The following STX4 variants were observed in gnomAD, a reference collection of about 807,000 sequenced individuals.
STX4 encodes the protein syntaxin 4.
STX4 carries 24 observed loss-of-function variants against 41.8 expected under a neutral mutation model. That is an observed-to-expected ratio of 0.57 (90% CI 0.42 to 0.81). The LOEUF is 0.81. STX4 is among the 30% of genes least tolerant of loss of function. The pLI, the probability that STX4 is intolerant of heterozygous loss-of-function variation, is 0.00. For synonymous variants in STX4, 158 were observed against 156.4 expected, an observed-to-expected ratio of 1.01 and a Z score of -0.08; for missense variants, 316 against 389.9, an observed-to-expected ratio of 0.81 and a Z score of 1.60.
Position 31,033,696 on chromosome 16 carries a change from T to C in STX4, c.-110T>C. The stretch of plus-strand genomic sequence containing the variant: ...AGCCTCTGGCGGCTCGTGGGGGTGT[T>C]GGGGTCCGCAGGGGGAGGGAGGGGA... On this transcript the variant is annotated 5_prime_UTR_variant, in exon 1 of 11. Transcript: ENST00000313843. The surrounding 1 kb of genome is among the most constrained non-coding windows in gnomAD (Gnocchi z 5.5). 1 of 1,396,914 alleles carries C rather than the reference T, an allele frequency of 7.2e-7. No individual in the cohort carries two copies. Among genetic ancestry groups the C allele is most frequent in the Middle Eastern group, 2.2e-4 (1 of 4,466 alleles). The allele number at this position is 1,396,914 out of a possible 1,614,324, so 86.5% of individuals were successfully genotyped here.
intron 5 of STX4, chr16:31,035,848 C>T (rs1342225516): frequency 6.6e-6 from 1 of 151,966 alleles, no homozygotes. Context: ...GTGGCACAAT[C>T]TTGGCTCACT....
At chr16:31,035,158 C>A in intron 5 of STX4, 118 bp downstream of exon 5, 2 of 749,034 alleles carry the variant, frequency 2.7e-6, no homozygotes, top group Non-Finnish European at 4.1e-6. Context: ...ATGACTTTTC[C>A]AAATGGGGAA....
chr16:31,034,930 T>G (rs1175661282), intron 4 of STX4, 40 bp from the exon 5 acceptor site: 1 of 1,490,340 alleles, frequency 6.7e-7, no homozygotes, highest in Non-Finnish European at 9.0e-7. Flanking sequence ...AAAAATCCTA[T>G]GGAGACAAGT....
chr16:31,036,484 A>G (rs2056800341), intron 5 of STX4, among the ~76,000 whole-genome samples: 1 of 152,118 alleles, frequency 6.6e-6, no homozygotes, highest in South Asian at 2.1e-4. Context: ...CGAGGTTGGC[A>G]TTCAGCAAGC....
intron 5 of STX4, among the ~76,000 whole-genome samples, chr16:31,037,667 C>CAAT (rs1217091532): frequency 7.6e-6 from 1 of 131,096 alleles, no homozygotes; most frequent in African/African-American, 2.9e-5. Context: ...TCTCAAAAAA[C>CAAT]AAATAATAAA....
In STX4 at chr16:31,033,689, G is replaced by A; in HGVS notation, c.-117G>A. Reference sequence around the variant, plus strand: ...GGGACGGAGCCTCTGGCGGCTCGTGGGGGTGTTGGGGTCCGCAGGGGGAGG... The same window carrying A: ...GGGACGGAGCCTCTGGCGGCTCGTGAGGGTGTTGGGGTCCGCAGGGGGAGG... On this transcript the variant is annotated 5_prime_UTR_variant, in exon 1 of 11. Coordinates refer to ENST00000313843, the MANE Select transcript of STX4 (RefSeq NM_004604.5). This position sits in a 1 kb window ranked among gnomAD's most constrained non-coding sequence, Gnocchi z 5.5. 1 of 1,447,072 alleles carries A rather than the reference G, an allele frequency of 6.9e-7. No individual in the cohort carries two copies. Among genetic ancestry groups the A allele is most frequent in the Non-Finnish European group, 9.1e-7 (1 of 1,102,596 alleles). 89.6% of individuals were successfully genotyped at this position (1,447,072 alleles called of 1,614,324 possible). A position where few individuals can be genotyped will look rare whatever the true frequency, so the allele number is the denominator to read the frequency against.
chr16:31,034,881 G>A, intron 4 of STX4, 89 bp from the exon 5 acceptor site: 1 of 1,203,722 alleles, frequency 8.3e-7, no homozygotes, highest in Non-Finnish European at 1.2e-6. Context: ...CCTCTTAGAG[G>A]CTCAGCCTTA....
At chr16:31,036,048 T>G (rs914552538) in intron 5 of STX4, among the ~76,000 whole-genome samples, 16 of 152,126 alleles carry the variant, frequency 1.1e-4, no homozygotes, top group Non-Finnish European at 1.5e-5. Context: ...CAAAGTGCTA[T>G]GATTATAGGC....
intron 5 of STX4, among the ~76,000 whole-genome samples, chr16:31,036,081 T>C (rs1451116387): frequency 2.0e-5 from 3 of 152,010 alleles, no homozygotes. Context: ...GCGCGGCCCC[T>C]GGGGTGATAT....
intron 7 of STX4, 87 bp downstream of exon 7, chr16:31,038,277 T>C: frequency 6.6e-7 from 1 of 1,523,494 alleles, no homozygotes; most frequent in Non-Finnish European, 9.0e-7. Flanking sequence ...GCTCAGGTGA[T>C]CCTCCTGCCT....
Position 31,038,046 on chromosome 16 carries a change from A to G in STX4, c.487+12A>G, listed in dbSNP as rs778014363. On this transcript the variant is annotated intron_variant, in intron 6 of 10. Transcript: ENST00000313843. Reference sequence around the variant, plus strand: ...GCAGCTGAAGATCAGTGAGTTGTGCATGCCCAGCCTGGCCCGCAGGGGCAG... The same window carrying G: ...GCAGCTGAAGATCAGTGAGTTGTGCGTGCCCAGCCTGGCCCGCAGGGGCAG... The G allele has an allele frequency of 4.3e-6, 7 of 1,614,070 alleles. No individual in the cohort carries two copies. In the African/African-American group the frequency reaches 8.0e-5, roughly 18 times the overall value.
Position 31,034,025 on chromosome 16 carries a change from TCGGA to T in STX4, c.46_49del (p.Asp16LysfsTer63), listed in dbSNP as rs769178650. The T allele has an allele frequency of 4.4e-6, 7 of 1,600,938 alleles. No homozygotes were observed. Among genetic ancestry groups the T allele is most frequent in the Non-Finnish European group, 6.0e-6 (7 of 1,171,894 alleles). On this transcript the variant is annotated frameshift_variant, in exon 2 of 11. Transcript: ENST00000313843. LOFTEE classifies it high-confidence loss of function. ...CCGGGCCTGGCAGGGGGATGACAGC[TCGGA>T]CGAAGAGGACAAGGAGCGGGTCGCG...
chr16:31,039,690 G>A lies in STX4; in HGVS notation c.814-33G>A, dbSNP rs1471892872. On this transcript the variant is annotated intron_variant, in intron 9 of 10. Coordinates refer to ENST00000313843, the MANE Select transcript of STX4 (RefSeq NM_004604.5). This position sits in a 1 kb window ranked among gnomAD's most constrained non-coding sequence, Gnocchi z 4.1. The stretch of plus-strand genomic sequence containing the variant: ...GCCCGGCCACTGCCCCAGGCACCCT[G>A]TGTGACTTCCCTGACCCCCTCCTCT... 1 of 1,614,170 alleles carries A rather than the reference G, an allele frequency of 6.2e-7. No individual in the cohort carries two copies. Among genetic ancestry groups the A allele is most frequent in the Non-Finnish European group, 8.5e-7 (1 of 1,180,018 alleles).
Position 31,039,759 on chromosome 16 carries a change from G to C in STX4, c.850G>C (p.Val284Leu), listed in dbSNP as rs771745614. ...VLIAICVSIT[V>L]VLLAVIIGVT... is the part of the protein sequence containing the mutation. ...GATTGCCATCTGTGTGTCCATCACC[G>C]TCGTCCTCCTAGCAGTCATCATTGG... The change falls in exon 10 of 11, where the codon GTC becomes CTC. Residue 284 changes from valine to leucine, a missense_variant. Val to Leu is a conservative substitution (Grantham distance 32). Transcript: ENST00000313843. This position sits in a 1 kb window ranked among gnomAD's most constrained non-coding sequence, Gnocchi z 4.1. The C allele has an allele frequency of 1.9e-6, 3 of 1,614,050 alleles. No homozygotes were observed. The African/African-American group carries it at 4.0e-5, about 22-fold the overall frequency.
In STX4 at chr16:31,038,560, C is replaced by T; in HGVS notation, c.615C>T (p.Ala205=). 1 of 1,614,098 alleles carries T rather than the reference C, an allele frequency of 6.2e-7. No homozygotes were observed. Among genetic ancestry groups the T allele is most frequent in the Middle Eastern group, 1.6e-4 (1 of 6,062 alleles). The change falls in exon 8 of 11, where the codon GCC becomes GCT. Residue 205 remains alanine, a synonymous_variant. Transcript: ENST00000313843. ...GACAGGCCTTAAATGAGATCTCGGC[C>T]CGGCACAGTGAGATCCAGCAGCTTG... ...VTRQALNEIS[A]RHSEIQQLER...
At chr16:31,037,830 G>C in intron 5 of STX4, 96 bp from the exon 6 acceptor site, 1 of 1,221,844 alleles carries the variant, frequency 8.2e-7, no homozygotes, top group Non-Finnish European at 1.2e-6. Flanking sequence ...CCGCATAAGA[G>C]CTCATGCTAT....
At position 31,033,972 on chromosome 16, in the gene STX4, CCG is replaced by C; in HGVS notation, c.31-39_31-38del. ...GCCTGTGGGTCCTGCGGGGTAAGAGCCGCAGCGAAACGGTGGTGCCAATGACT... is the reference window on the plus strand; with the variant it reads ...GCCTGTGGGTCCTGCGGGGTAAGAGCCAGCGAAACGGTGGTGCCAATGACT... On this transcript the variant is annotated intron_variant, in intron 1 of 10. Transcript: ENST00000313843. This position sits in a 1 kb window ranked among gnomAD's most constrained non-coding sequence, Gnocchi z 5.5. 6.6e-7 allele frequency: 1 copy of C among 1,524,358 alleles called. No individual in the cohort carries two copies. The allele number at this position is 1,524,358 out of a possible 1,614,324, so 94.4% of individuals were successfully genotyped here. A position where few individuals can be genotyped will look rare whatever the true frequency, so the allele number is the denominator to read the frequency against.
chr16:31,035,006 A>G lies in STX4; in HGVS notation c.344A>G (p.Tyr115Cys). The G allele has an allele frequency of 1.2e-6, 2 of 1,611,940 alleles. No individual in the cohort carries two copies. The highest frequency in any genetic ancestry group is 1.7e-6 in the Non-Finnish European group (2 of 1,179,350). Residue 115 changes from tyrosine (Y) to cysteine (C), a missense_variant, in exon 5 of 11, where the codon TAT becomes TGT. Transcript: ENST00000313843. ...CAGAAGGAGGAAGCTGATGAGAACT[A>G]TAACTCCGTCAACACAAGAATGAGA... Reference protein sequence around the residue: ...EPQKEEADENYNSVNTRMRKT... With the variant: ...EPQKEEADENCNSVNTRMRKT...
chr16:31,033,740 G>C lies in STX4; in HGVS notation c.-66G>C. The C allele has an allele frequency of 6.9e-7, 1 of 1,452,856 alleles. No individual in the cohort carries two copies. Among genetic ancestry groups the C allele is most frequent in the South Asian group, 1.5e-5 (1 of 67,588 alleles). The allele number at this position is 1,452,856 out of a possible 1,614,324, so 90.0% of individuals were successfully genotyped here. On this transcript the variant is annotated 5_prime_UTR_variant, in exon 1 of 11. Coordinates refer to ENST00000313843, the MANE Select transcript of STX4 (RefSeq NM_004604.5). The surrounding 1 kb of genome is among the most constrained non-coding windows in gnomAD (Gnocchi z 5.5). ...GAGGGGAGTGTCAGAGTGTGAGCGGGGTACGGGAATTCCAAATTTGAGGGC... is the reference window on the plus strand; with the variant it reads ...GAGGGGAGTGTCAGAGTGTGAGCGGCGTACGGGAATTCCAAATTTGAGGGC...
Sources: allele counts gnomAD v4.1 joint callset (sites outside exome capture counted in the v4.1 genomes callset), GRCh38; gene constraint gnomAD v4.1.1; non-coding constraint Gnocchi (gnomAD v3.1); transcripts MANE v1.5; gene names NCBI Gene and HGNC (gene_info 2026-07-23, HGNC 2026-07-21).